CBFA2T2: variants seen among roughly 807,000 people sequenced by gnomAD.
The protein encoded by CBFA2T2 is CBFA2/RUNX1 partner transcriptional co-repressor 2.
Under a neutral mutation model 62.2 loss-of-function variants are expected in CBFA2T2, and 11 were observed. The ratio of observed to expected loss-of-function variants is 0.18; its 90% CI spans 0.11 to 0.29. The LOEUF (loss-of-function observed/expected upper bound fraction) is 0.29, where lower values mean the gene tolerates loss of function less well. CBFA2T2 is among the 10% of genes least tolerant of loss of function. The probability of loss-of-function intolerance (pLI) is 1.00; values close to 1 mark genes in which losing one functional copy is unlikely to be tolerated. For synonymous variants in CBFA2T2, 295 were observed against 287.5 expected (o/e 1.03, Z -0.27); for missense variants, 592 against 774.1 (o/e 0.76, Z 2.79).
intron 4 of CBFA2T2, 69 bp downstream of exon 4, chr20:33,619,675 T>A (rs1601079245): frequency 8.4e-7 from 1 of 1,189,126 alleles, no homozygotes; most frequent in East Asian, 2.6e-5. Flanking sequence ...CCCTGTTACG[T>A]GATTTAAATC....
intron 8 of CBFA2T2, among the ~76,000 whole-genome samples, chr20:33,631,199 A>C (rs2016437202): frequency 6.6e-6 from 1 of 152,192 alleles, no homozygotes; most frequent in Admixed American, 6.5e-5. Context: ...CTGTACTCCC[A>C]GCTACTGGGG....
Position 33,539,404 on chromosome 20 carries a change from A to G in CBFA2T2, c.34+49103A>G, listed in dbSNP as rs548017235. Among the ~76,000 whole-genome samples the G allele has an allele frequency of 4.6e-5, 7 of 152,312 alleles. No individual in the cohort carries two copies. The East Asian group carries it at 5.8e-4, about 13-fold the overall frequency. ...GCACTGTTGCTTATGCTGTTCTCCA[A>G]TCTCTTTTCAGGCCCTCTGCATCTT... On this transcript the variant is annotated intron_variant, in intron 1 of 10. Transcript: ENST00000342704.
chr20:33,528,701 T>C lies in CBFA2T2; in HGVS notation c.34+38400T>C, dbSNP rs2011957611. 2.6e-5 allele frequency among the ~76,000 whole-genome samples: 4 copies of C among 152,126 alleles called. No homozygotes were observed. The South Asian group carries it at 8.3e-4, about 32-fold the overall frequency. The stretch of plus-strand genomic sequence containing the variant: ...CCTTAAATGTCCACTCGTGTGTGTG[T>C]GTGTGTGTGCGTGTGTGGTGTAGTG... On this transcript the variant is annotated intron_variant, in intron 1 of 10. Coordinates refer to ENST00000342704, the MANE Select transcript of CBFA2T2 (RefSeq NM_001032999.3).
chr20:33,515,350 CAAAAAAAAAAAA>C, intron 1 of CBFA2T2, among the ~76,000 whole-genome samples: 1 of 82,022 alleles, frequency 1.2e-5, no homozygotes, highest in African/African-American at 4.7e-5. Flanking sequence ...GACTCCATCT[CAAAAAAAAAAAA>C]AAAAAAAAAG....
intron 6 of CBFA2T2, among the ~76,000 whole-genome samples, chr20:33,625,649 A>G (rs967670094): frequency 2.0e-5 from 3 of 152,252 alleles, no homozygotes; most frequent in African/African-American, 4.8e-5. Context: ...ATTGCAGAAT[A>G]AAAGTTTTTA....
intron 1 of CBFA2T2, among the ~76,000 whole-genome samples, chr20:33,554,421 G>A (rs2012829704): frequency 6.6e-6 from 1 of 151,406 alleles, no homozygotes; most frequent in African/African-American, 2.4e-5. Context: ...GCTAGGTTTT[G>A]TATTTTTAGT....
chr20:33,598,919 G>A (rs2015005442), intron 1 of CBFA2T2, among the ~76,000 whole-genome samples: 1 of 152,184 alleles, frequency 6.6e-6, no homozygotes, highest in East Asian at 1.9e-4. Flanking sequence ...CATTGCCCAG[G>A]CTGGTTTTCC....
chr20:33,620,621 C>A (rs1252330490), intron 4 of CBFA2T2, among the ~76,000 whole-genome samples: 2 of 152,192 alleles, frequency 1.3e-5, no homozygotes, highest in Admixed American at 1.3e-4. Flanking sequence ...AGGCAGATTA[C>A]CTGAGGTCAG....
At chr20:33,559,693 G>A (rs566800673) in intron 1 of CBFA2T2, among the ~76,000 whole-genome samples, 9 of 151,974 alleles carry the variant, frequency 5.9e-5, no homozygotes, top group Non-Finnish European at 1.3e-4. Context: ...TCACCGTGTT[G>A]GCTAGGATGG....
At chr20:33,580,036 C>T (rs533603654) in intron 1 of CBFA2T2, among the ~76,000 whole-genome samples, 2 of 152,106 alleles carry the variant, frequency 1.3e-5, no homozygotes, top group African/African-American at 2.4e-5. Context: ...AGGCTGGTCT[C>T]GAACTCCTGA....
intron 8 of CBFA2T2, among the ~76,000 whole-genome samples, chr20:33,634,195 C>G (rs2016549208): frequency 6.6e-6 from 1 of 152,110 alleles, no homozygotes; most frequent in African/African-American, 2.4e-5. Context: ...TCTCGAACTC[C>G]TGACCTCGTG....
At chr20:33,593,914 G>C (rs2014775657) in intron 1 of CBFA2T2, among the ~76,000 whole-genome samples, 1 of 152,186 alleles carries the variant, frequency 6.6e-6, no homozygotes, top group South Asian at 2.1e-4. Flanking sequence ...CATATTTTGA[G>C]AACTGCTGAG....
At chr20:33,554,600 C>CTTTTTTTTTT (rs752877501) in intron 1 of CBFA2T2, among the ~76,000 whole-genome samples, 15 of 56,270 alleles carry the variant, frequency 2.7e-4, no homozygotes, top group African/African-American at 6.6e-4. Context: ...TTTTTCTTTT[C>CTTTTTTTTTT]TTTTTTTTTT....
intron 1 of CBFA2T2, among the ~76,000 whole-genome samples, chr20:33,543,926 T>G (rs1047772104): frequency 5.9e-5 from 9 of 152,306 alleles, no homozygotes; most frequent in Middle Eastern, 6.8e-3. Flanking sequence ...TGAGACTATA[T>G]CCAGAATCCA....
rs2013591642 is a variant in CBFA2T2, at chr20:33,571,992, AC to A, written c.35-34963del. Among the ~76,000 whole-genome samples the A allele has an allele frequency of 2.0e-5, 3 of 152,066 alleles. No homozygotes were observed. The South Asian group carries it at 6.2e-4, about 31-fold the overall frequency. On this transcript the variant is annotated intron_variant, in intron 1 of 10. Transcript: ENST00000342704. ...CATAACCTCCGCCTCCCAGGTTCAA[AC>A]GATTCTGCTGCCTCAGCCTCCAGAG... is the stretch of plus-strand genomic sequence containing the variant.
chr20:33,613,131 G>A (rs1017000534), intron 3 of CBFA2T2, among the ~76,000 whole-genome samples: 2 of 152,174 alleles, frequency 1.3e-5, no homozygotes, highest in Non-Finnish European at 2.9e-5. Context: ...TTCATACAAG[G>A]CAAAATGCAA....
At chr20:33,603,619 G>A (rs2015226590) in intron 1 of CBFA2T2, among the ~76,000 whole-genome samples, 1 of 152,066 alleles carries the variant, frequency 6.6e-6, no homozygotes, top group African/African-American at 2.4e-5. Context: ...AAAACCAAGG[G>A]TTATTTTGAC....
chr20:33,643,796 TA>T, intron 10 of CBFA2T2, among the ~76,000 whole-genome samples: 1 of 29,016 alleles, frequency 3.4e-5, no homozygotes, highest in African/African-American at 1.1e-4. Context: ...TATATATATA[TA>T]TATATATATA....
In CBFA2T2 at chr20:33,644,979, C is replaced by A; in HGVS notation, c.*333C>A. On this transcript the variant is annotated 3_prime_UTR_variant, in exon 11 of 11. Coordinates refer to ENST00000342704, the MANE Select transcript of CBFA2T2 (RefSeq NM_001032999.3). ...TCCCCTCCCCATCTCCTTGAGTCAG[C>A]AGACTGTCCAATGTGCTCAGCCAGG... 1 of 275,114 alleles carries A rather than the reference C, an allele frequency of 3.6e-6. No individual in the cohort carries two copies. The highest frequency in any genetic ancestry group is 6.9e-6 in the Non-Finnish European group (1 of 144,200). 17.0% of individuals were successfully genotyped at this position (275,114 alleles called of 1,614,324 possible). A position where few individuals can be genotyped will look rare whatever the true frequency, so the allele number is the denominator to read the frequency against.
Sources: allele counts gnomAD v4.1 joint callset (sites outside exome capture counted in the v4.1 genomes callset), GRCh38; gene constraint gnomAD v4.1.1; transcripts MANE v1.5; gene names NCBI Gene and HGNC (gene_info 2026-07-23, HGNC 2026-07-21).